Variants in DIS3L2 observed in about 807,000 individuals in gnomAD.
DIS3L2 encodes the protein DIS3 like 3'-5' exoribonuclease 2.
DIS3L2 carries 34 observed loss-of-function variants against 97.5 expected under a neutral mutation model. The observed-to-expected ratio is 0.35, with a 90% CI of 0.27 to 0.46. The LOEUF is 0.46. Among genes scored for constraint, DIS3L2 ranks in the 20% least tolerant of loss-of-function variants. The pLI, the probability that DIS3L2 is intolerant of heterozygous loss-of-function variation, is 1.00. For synonymous variants in DIS3L2, 435 were observed against 445.2 expected, an observed-to-expected ratio of 0.98 and a Z score of 0.29; for missense variants, 1,038 against 1,146.0, an observed-to-expected ratio of 0.91 and a Z score of 1.36.
At position 232,334,615 on chromosome 2, in the gene DIS3L2, A is replaced by G; in HGVS notation, c.2290-16A>G. The stretch of plus-strand genomic sequence containing the variant: ...CAGTGCCAGGAGGTGCCATGGCTGC[A>G]GCACTGTCCCTGCAGGAGAGTGGCC... On this transcript the variant is annotated splice_polypyrimidine_tract_variant and intron_variant, in intron 18 of 20. Coordinates refer to ENST00000325385, the MANE Select transcript of DIS3L2 (RefSeq NM_152383.5). 6.2e-7 allele frequency: 1 copy of G among 1,603,702 alleles called. No homozygotes were observed. Among genetic ancestry groups the G allele is most frequent in the South Asian group, 1.1e-5 (1 of 89,550 alleles).
At chr2:232,026,918 T>C (rs974381317) in intron 4 of DIS3L2, among the ~76,000 whole-genome samples, 1 of 152,208 alleles carries the variant, frequency 6.6e-6, no homozygotes, top group Admixed American at 6.5e-5. Flanking sequence ...GCCTCTTTTA[T>C]TCTTTTATTT....
In DIS3L2 at chr2:232,136,702, C is replaced by T. The variant is rs1359411191; in HGVS notation, c.933C>T (p.Asp311=). Residue 311 remains aspartate (D), a synonymous_variant, in exon 8 of 21, where the codon GAC becomes GAT. Coordinates refer to ENST00000325385, the MANE Select transcript of DIS3L2 (RefSeq NM_152383.5). ...GCCGCATTGTGGACTGGAAGGAGGA[C>T]TGCAATTTTGCCCTGGGGTAGGTGA... is the stretch of plus-strand genomic sequence containing the variant. ...FICRIVDWKE[D]CNFALGQLAK... 1 of 1,613,716 alleles carries T rather than the reference C, an allele frequency of 6.2e-7. No homozygotes were observed. The highest frequency in any genetic ancestry group is 8.5e-7 in the Non-Finnish European group (1 of 1,179,858).
At chr2:232,124,719 C>T (rs903997895) in intron 6 of DIS3L2, among the ~76,000 whole-genome samples, 1 of 151,964 alleles carries the variant, frequency 6.6e-6, no homozygotes, top group African/African-American at 2.4e-5. Flanking sequence ...TACCATTAAG[C>T]AGATTAGTGA....
chr2:232,147,577 T>A (rs1294005539), intron 8 of DIS3L2, among the ~76,000 whole-genome samples: 2 of 152,312 alleles, frequency 1.3e-5, no homozygotes, highest in East Asian at 3.9e-4. Context: ...TAGGATGAAA[T>A]GTGGTTTTTA....
chr2:232,245,020 G>A (rs1693210817), intron 11 of DIS3L2, among the ~76,000 whole-genome samples: 1 of 152,188 alleles, frequency 6.6e-6, no homozygotes, highest in African/African-American at 2.4e-5. Context: ...GGGAAATAAA[G>A]AACCTTGAAG....
At chr2:232,237,418 G>A (rs954638860) in intron 10 of DIS3L2, among the ~76,000 whole-genome samples, 1 of 152,180 alleles carries the variant, frequency 6.6e-6, no homozygotes, top group Non-Finnish European at 1.5e-5. Context: ...AAGACAGACC[G>A]ACTGTTGATT....
At chr2:232,237,040 G>A (rs553788582) in intron 10 of DIS3L2, among the ~76,000 whole-genome samples, 4 of 152,226 alleles carry the variant, frequency 2.6e-5, no homozygotes, top group South Asian at 2.1e-4. Context: ...ATGAGCCACC[G>A]TGCCCAGCCT....
rs929560917 is a variant in DIS3L2 at position 231,972,823 on chromosome 2, T to A, written c.-94+11058T>A. Among the ~76,000 whole-genome samples the A allele has an allele frequency of 4.6e-5, 7 of 152,330 alleles. No homozygotes were observed. In the South Asian group the frequency reaches 1.5e-3, roughly 32 times the overall value. On this transcript the variant is annotated intron_variant, in intron 1 of 20. Transcript: ENST00000325385. ...CCTCTCAAAGTGCTGGGATTACAGGTGTGCACCACCATGCCTGGTCCTAAA... is the reference window on the plus strand; with the variant it reads ...CCTCTCAAAGTGCTGGGATTACAGGAGTGCACCACCATGCCTGGTCCTAAA...
intron 11 of DIS3L2, among the ~76,000 whole-genome samples, chr2:232,240,959 A>G (rs1420217000): frequency 2.0e-5 from 3 of 152,320 alleles, no homozygotes; most frequent in Middle Eastern, 3.4e-3. Context: ...TCACAGTTCT[A>G]GAATTTCTCT....
chr2:232,318,617 C>T (rs902853127), intron 14 of DIS3L2, among the ~76,000 whole-genome samples: 10 of 152,154 alleles, frequency 6.6e-5, no homozygotes, highest in Non-Finnish European at 1.3e-4. Context: ...ATGGGAAGGC[C>T]AGCGCGGCAG....
chr2:231,984,167 A>T (rs140890706), intron 1 of DIS3L2, among the ~76,000 whole-genome samples: 1 of 152,144 alleles, frequency 6.6e-6, no homozygotes, highest in East Asian at 1.9e-4. Flanking sequence ...TAAATAACAA[A>T]TAGCAGGCTT....
At chr2:231,974,371 A>C (rs1214781230) in intron 1 of DIS3L2, among the ~76,000 whole-genome samples, 1 of 151,950 alleles carries the variant, frequency 6.6e-6, no homozygotes, top group Non-Finnish European at 1.5e-5. Context: ...CTCAGCTGTC[A>C]ATTTTTTTTT....
At chr2:231,979,893 A>G (rs1693204597) in intron 1 of DIS3L2, among the ~76,000 whole-genome samples, 1 of 152,122 alleles carries the variant, frequency 6.6e-6, no homozygotes, top group African/African-American at 2.4e-5. Context: ...TATGTGTAGT[A>G]AGAATCTAAC....
chr2:232,110,973 G>A (rs778901054), intron 6 of DIS3L2, among the ~76,000 whole-genome samples: 5 of 152,092 alleles, frequency 3.3e-5, no homozygotes, highest in Non-Finnish European at 5.9e-5. Flanking sequence ...AATGGTACCA[G>A]CCCACTGTAG....
intron 14 of DIS3L2, 28 bp from the exon 15 acceptor site, chr2:232,329,785 T>TACCGGGGGGGCCCC: frequency 1.0e-6 from 1 of 967,142 alleles, no homozygotes; most frequent in Non-Finnish European, 1.5e-6. Context: ...ACCCCAGCGG[T>TACCGGGGGGGCCCC]CCCTCCCATC....
At position 232,070,306 on chromosome 2, in the gene DIS3L2, T is replaced by C. The variant is rs536388001; in HGVS notation, c.367-17181T>C. Reference sequence around the variant, plus strand: ...AAAAAGAAAAATTCTTTCCTAGGGCTTGCTTTTCTAGTTTACCCAGATTTA... The same window carrying C: ...AAAAAGAAAAATTCTTTCCTAGGGCCTGCTTTTCTAGTTTACCCAGATTTA... On this transcript the variant is annotated intron_variant, in intron 5 of 20. Coordinates refer to ENST00000325385, the MANE Select transcript of DIS3L2 (RefSeq NM_152383.5). 2.6e-3 allele frequency among the ~76,000 whole-genome samples: 391 copies of C among 151,070 alleles called. 2 individuals carry two copies. Among genetic ancestry groups the C allele is most frequent in the Non-Finnish European group, 4.1e-3 (275 of 67,754 alleles).
chr2:232,183,512 T>C (rs1042998685), intron 9 of DIS3L2, among the ~76,000 whole-genome samples: 1 of 152,256 alleles, frequency 6.6e-6, no homozygotes, highest in African/African-American at 2.4e-5. Flanking sequence ...CAGCCAGAAG[T>C]AAGAGTGTAA....
chr2:232,131,549 T>G (rs1698216750), intron 7 of DIS3L2: 1 of 152,174 alleles, frequency 6.6e-6, no homozygotes, highest in Admixed American at 6.6e-5. Context: ...CCCAAAGTGC[T>G]GGGATTACAG....
At chr2:232,243,586 G>A in intron 11 of DIS3L2, among the ~76,000 whole-genome samples, 1 of 152,172 alleles carries the variant, frequency 6.6e-6, no homozygotes, top group Middle Eastern at 3.2e-3. Context: ...TACCAATGTG[G>A]TAATGTCTAA....
Sources: allele counts gnomAD v4.1 joint callset (sites outside exome capture counted in the v4.1 genomes callset), GRCh38; gene constraint gnomAD v4.1.1; transcripts MANE v1.5; gene names NCBI Gene and HGNC (gene_info 2026-07-23, HGNC 2026-07-21).